PTPRK: variants seen among roughly 807,000 people sequenced by gnomAD.
The protein encoded by PTPRK is receptor-type tyrosine-protein phosphatase kappa.
A neutral mutation model predicts 178.0 loss-of-function variants in PTPRK; 75 were observed. The observed-to-expected ratio is 0.42, with a 90% confidence interval of 0.35 to 0.51. The LOEUF is 0.51. Ranked by LOEUF, PTPRK falls within the 20% of genes least tolerant of loss-of-function variation. PTPRK has a pLI of 0.02. For synonymous variants in PTPRK, 637 were observed against 620.6 expected (o/e 1.03, Z -0.39); for missense variants, 1,441 against 1,797.8 (o/e 0.80, Z 3.59).
chr6:128,188,410 T>C (rs1365018344), intron 6 of PTPRK, among the ~76,000 whole-genome samples: 3 of 152,076 alleles, frequency 2.0e-5, no homozygotes, highest in Admixed American at 2.0e-4. Flanking sequence ...AAGCCATAAA[T>C]CCAGGAAAAG....
At chr6:128,011,063 A>G (rs568963077) in intron 13 of PTPRK, among the ~76,000 whole-genome samples, 253 of 151,362 alleles carry the variant, frequency 1.7e-3, no homozygotes, top group African/African-American at 5.8e-3. Flanking sequence ...CTATATATGT[A>G]GATATTGAAA....
chr6:128,467,187 A>G (rs535291837), intron 1 of PTPRK, among the ~76,000 whole-genome samples: 1 of 152,232 alleles, frequency 6.6e-6, no homozygotes, highest in East Asian at 1.9e-4. Flanking sequence ...TTTTTTGTAT[A>G]GACGGGGTTT....
At chr6:128,244,232 A>G (rs183045792) in intron 3 of PTPRK, among the ~76,000 whole-genome samples, 8 of 152,354 alleles carry the variant, frequency 5.3e-5, no homozygotes, top group Middle Eastern at 6.8e-3. Context: ...TTAAGTAATA[A>G]CTAGATAGAT....
chr6:128,297,322 G>A (rs1004702672), intron 3 of PTPRK, among the ~76,000 whole-genome samples: 20 of 151,888 alleles, frequency 1.3e-4, no homozygotes, highest in African/African-American at 3.1e-4. Flanking sequence ...TCAATGAGAC[G>A]GAAAGTTAAC....
intron 1 of PTPRK, among the ~76,000 whole-genome samples, chr6:128,431,675 G>GT (rs1844852962): frequency 6.6e-6 from 1 of 152,156 alleles, no homozygotes; most frequent in Non-Finnish European, 1.5e-5. Flanking sequence ...GTAATTGTTT[G>GT]TTTTTCTTTC....
intron 3 of PTPRK, among the ~76,000 whole-genome samples, chr6:128,272,061 A>G (rs1167535646): frequency 6.6e-6 from 1 of 152,136 alleles, no homozygotes; most frequent in Non-Finnish European, 1.5e-5. Flanking sequence ...TAAAACCAAT[A>G]CAACCATCTG....
intron 2 of PTPRK, among the ~76,000 whole-genome samples, chr6:128,331,880 GA>G (rs1179985190): frequency 6.6e-6 from 1 of 152,016 alleles, no homozygotes; most frequent in African/African-American, 2.4e-5. Context: ...TTCACAGTCC[GA>G]ATGACAAAAT....
At chr6:128,067,479 C>T in intron 12 of PTPRK, 40 bp downstream of exon 12, 5 of 1,438,118 alleles carry the variant, frequency 3.5e-6, no homozygotes, top group South Asian at 1.7e-5. Context: ...TTCAGCTTTT[C>T]TTCAAAGCAG....
At chr6:128,131,187 T>G (rs999591600) in intron 7 of PTPRK, among the ~76,000 whole-genome samples, 13 of 152,214 alleles carry the variant, frequency 8.5e-5, no homozygotes, top group African/African-American at 3.1e-4. Flanking sequence ...GACAGAGCTT[T>G]GAGCATTCTA....
At chr6:128,221,349 C>G (rs532647639) in intron 5 of PTPRK, among the ~76,000 whole-genome samples, 49 of 151,892 alleles carry the variant, frequency 3.2e-4, no homozygotes, top group Admixed American at 2.9e-3. Context: ...ATGGTGAAAC[C>G]CCGTCTGTAC....
intron 13 of PTPRK, among the ~76,000 whole-genome samples, chr6:128,016,521 A>G (rs1022300225): frequency 6.6e-6 from 1 of 151,686 alleles, no homozygotes; most frequent in African/African-American, 2.4e-5. Flanking sequence ...ACTTTCTCCA[A>G]CTTTTTTCAG....
At chr6:128,094,915 TGAGA>T (rs1204348210) in intron 7 of PTPRK, among the ~76,000 whole-genome samples, 1 of 151,818 alleles carries the variant, frequency 6.6e-6, no homozygotes, top group African/African-American at 2.4e-5. Context: ...GAGGATGCTC[TGAGA>T]GAGAGGGAGA....
At chr6:128,114,506 G>C (rs539458283) in intron 7 of PTPRK, among the ~76,000 whole-genome samples, 46 of 151,616 alleles carry the variant, frequency 3.0e-4, no homozygotes, top group African/African-American at 9.7e-4. Context: ...TGTAATCCCA[G>C]CTACTTGGAA....
chr6:128,254,113 T>A (rs17055501), intron 3 of PTPRK, among the ~76,000 whole-genome samples: 10,668 of 152,082 alleles, frequency 0.07, 1,022 homozygotes, highest in African/African-American at 0.22. Flanking sequence ...ACTGAAAAAA[T>A]TAGTTATGGT....
intron 1 of PTPRK, among the ~76,000 whole-genome samples, chr6:128,412,871 G>A (rs138674126): frequency 3.3e-5 from 5 of 152,182 alleles, no homozygotes; most frequent in African/African-American, 7.2e-5. Context: ...CTTCACGAGC[G>A]GGAGGGAGGC....
chr6:128,245,700 T>C (rs1333643717), intron 3 of PTPRK, among the ~76,000 whole-genome samples: 1 of 152,208 alleles, frequency 6.6e-6, no homozygotes, highest in African/African-American at 2.4e-5. Flanking sequence ...AATATGTGTG[T>C]GCATATGATT....
intron 1 of PTPRK, among the ~76,000 whole-genome samples, chr6:128,468,947 T>C (rs979014210): frequency 2.0e-5 from 3 of 148,374 alleles, no homozygotes; most frequent in African/African-American, 7.5e-5. Context: ...AAAACCTTAA[T>C]GTATTCAATT....
chr6:128,095,847 T>A (rs909933653), intron 7 of PTPRK, among the ~76,000 whole-genome samples: 3 of 152,216 alleles, frequency 2.0e-5, no homozygotes, highest in African/African-American at 7.2e-5. Flanking sequence ...CATAAAGCTC[T>A]CTTCCATTAT....
intron 12 of PTPRK, 122 bp downstream of exon 12, chr6:128,067,397 C>A (rs1165313356): frequency 8.9e-7 from 1 of 1,126,238 alleles, no homozygotes; most frequent in East Asian, 2.7e-5. Context: ...AGAACAGAAC[C>A]CCCTACATGC....
Sources: allele counts gnomAD v4.1 joint callset (sites outside exome capture counted in the v4.1 genomes callset), GRCh38; gene constraint gnomAD v4.1.1; transcripts MANE v1.5; gene names NCBI Gene and HGNC (gene_info 2026-07-23, HGNC 2026-07-21).